The following RGS6 variants were observed in gnomAD, a reference collection of about 807,000 sequenced individuals.
RGS6 encodes regulator of G-protein signaling 6.
A neutral mutation model predicts 78.5 loss-of-function variants in RGS6; 30 were observed. That is an observed-to-expected ratio of 0.38 (90% CI 0.29 to 0.52). The LOEUF (loss-of-function observed/expected upper bound fraction) is 0.52, where lower values mean the gene tolerates loss of function less well. RGS6 is among the 20% of genes least tolerant of loss of function. The pLI, the probability that RGS6 is intolerant of heterozygous loss-of-function variation, is 0.85. For synonymous variants in RGS6, 206 were observed against 206.0 expected, an observed-to-expected ratio of 1.00 and a Z score of 0.00; for missense variants, 495 against 609.7, an observed-to-expected ratio of 0.81 and a Z score of 1.98.
downstream of RGS6, among the ~76,000 whole-genome samples, chr14:72,570,672 A>T (rs993802079): frequency 6.6e-6 from 1 of 152,210 alleles, no homozygotes; most frequent in Non-Finnish European, 1.5e-5. Flanking sequence ...CTGTAAACAC[A>T]GTGCTGGAAC....
At chr14:72,496,849 T>TACATACACACACACACAC (rs1177821768) in intron 13 of RGS6, among the ~76,000 whole-genome samples, 5 of 152,182 alleles carry the variant, frequency 3.3e-5, no homozygotes, top group African/African-American at 1.2e-4. Flanking sequence ...CCCAAATATG[T>TACATACACACACACACAC]ACATATATAT....
At chr14:72,047,827 G>C (rs965634022) in intron 2 of RGS6, among the ~76,000 whole-genome samples, 1 of 150,686 alleles carries the variant, frequency 6.6e-6, no homozygotes, top group Non-Finnish European at 1.5e-5. Flanking sequence ...CCGAGTTCAA[G>C]TGATTCTCAT....
chr14:72,230,001 G>A (rs367659543), intron 2 of RGS6, among the ~76,000 whole-genome samples: 127 of 152,294 alleles, frequency 8.3e-4, no homozygotes, highest in African/African-American at 2.9e-3. Context: ...TGTGCAGGGC[G>A]ATGTAGTGTA....
At chr14:72,369,300 C>T (rs975691062) in intron 3 of RGS6, among the ~76,000 whole-genome samples, 5 of 152,124 alleles carry the variant, frequency 3.3e-5, no homozygotes, top group African/African-American at 1.2e-4. Flanking sequence ...ATGATGTGGC[C>T]AGAAGCCAAG....
At chr14:71,956,227 TG>T (rs1448509710) in intron 1 of RGS6, among the ~76,000 whole-genome samples, 4 of 151,912 alleles carry the variant, frequency 2.6e-5, no homozygotes, top group Non-Finnish European at 1.5e-5. Context: ...GATGGGAGCT[TG>T]GGGTTGGTGG....
At chr14:72,255,187 T>A (rs2056806370) in intron 2 of RGS6, among the ~76,000 whole-genome samples, 1 of 152,114 alleles carries the variant, frequency 6.6e-6, no homozygotes, top group South Asian at 2.1e-4. Flanking sequence ...GATTGGCTAA[T>A]TTGAAAATGT....
the RGS6 span, among the ~76,000 whole-genome samples, chr14:72,578,925 T>C: frequency 2.0e-5 from 3 of 152,118 alleles, no homozygotes; most frequent in South Asian, 6.2e-4. Flanking sequence ...ATTTGGGGAA[T>C]AAGCAAGTGG....
Position 72,562,639 on chromosome 14 carries a change from CAGA to C in RGS6, c.*174_*176del. The C allele has an allele frequency of 6.5e-7, 1 of 1,533,174 alleles. No individual in the cohort carries two copies. Among genetic ancestry groups the C allele is most frequent in the Non-Finnish European group, 8.7e-7 (1 of 1,145,698 alleles). 95.0% of individuals were successfully genotyped at this position (1,533,174 alleles called of 1,614,324 possible). A position where few individuals can be genotyped will look rare whatever the true frequency, so the allele number is the denominator to read the frequency against. The stretch of plus-strand genomic sequence containing the variant: ...AGACTCGGTGGGTGAATGGGGAGAC[CAGA>C]AAGAAAGAGTCCACAGAGCCTGGGC... On this transcript the variant is annotated 3_prime_UTR_variant, in exon 18 of 18. Coordinates refer to ENST00000553525, the MANE Select transcript of RGS6 (RefSeq NM_001204424.2).
At chr14:72,106,681 ATTAAC>A (rs1313392990) in intron 2 of RGS6, among the ~76,000 whole-genome samples, 1 of 152,112 alleles carries the variant, frequency 6.6e-6, no homozygotes, top group Non-Finnish European at 1.5e-5. Context: ...TTCCATGGAT[ATTAAC>A]TTATCTTTCA....
At chr14:72,167,280 C>T (rs2096941097) in intron 2 of RGS6, among the ~76,000 whole-genome samples, 1 of 152,194 alleles carries the variant, frequency 6.6e-6, no homozygotes, top group Non-Finnish European at 1.5e-5. Flanking sequence ...GACAGATGGG[C>T]CTGCCCATTA....
intron 17 of RGS6, among the ~76,000 whole-genome samples, chr14:72,544,022 A>C (rs1461538852): frequency 1.3e-5 from 2 of 151,818 alleles, no homozygotes; most frequent in Non-Finnish European, 2.9e-5. Context: ...GAGCCACCAC[A>C]CCCCGCCCTC....
At chr14:72,611,652 TG>T in the RGS6 span, among the ~76,000 whole-genome samples, 1 of 152,166 alleles carries the variant, frequency 6.6e-6, no homozygotes, top group African/African-American at 2.4e-5. Flanking sequence ...CTGGGGACAC[TG>T]GCTGCCCAAC....
intron 2 of RGS6, among the ~76,000 whole-genome samples, chr14:72,250,476 C>T (rs1339577010): frequency 6.7e-6 from 1 of 149,204 alleles, no homozygotes; most frequent in African/African-American, 2.5e-5. Context: ...TCCATTTAGT[C>T]TGGTATAACT....
intron 3 of RGS6, among the ~76,000 whole-genome samples, chr14:72,428,258 T>C (rs947393528): frequency 2.0e-5 from 3 of 152,148 alleles, no homozygotes; most frequent in Non-Finnish European, 4.4e-5. Context: ...GAGGGGGAAT[T>C]AGTTGGTCTC....
intron 3 of RGS6, among the ~76,000 whole-genome samples, chr14:72,356,883 C>T (rs1184431664): frequency 6.6e-6 from 1 of 152,184 alleles, no homozygotes; most frequent in South Asian, 2.1e-4. Flanking sequence ...TTATAAATTA[C>T]CCAATCTTGG....
intron 2 of RGS6, among the ~76,000 whole-genome samples, chr14:72,282,272 T>A (rs569543033): frequency 6.6e-6 from 1 of 152,326 alleles, no homozygotes; most frequent in Admixed American, 6.5e-5. Flanking sequence ...TGTGACCCTT[T>A]CCATCTCTTT....
intron 2 of RGS6, among the ~76,000 whole-genome samples, chr14:72,122,109 T>G (rs2096066217): frequency 6.6e-6 from 1 of 152,178 alleles, no homozygotes; most frequent in Non-Finnish European, 1.5e-5. Context: ...GTATAGAAGA[T>G]AATAGATCAA....
At chr14:72,428,390 A>G (rs753249344) in intron 3 of RGS6, among the ~76,000 whole-genome samples, 2 of 152,058 alleles carry the variant, frequency 1.3e-5, no homozygotes, top group African/African-American at 2.4e-5. Context: ...GAACAGATGA[A>G]TGAATGGACA....
chr14:72,320,589 TAAAATTA>T (rs1367459824), intron 2 of RGS6, among the ~76,000 whole-genome samples: 2 of 151,198 alleles, frequency 1.3e-5, no homozygotes, highest in Non-Finnish European at 3.0e-5. Flanking sequence ...AAAAAATAAA[TAAAATTA>T]AAAAATAAAA....
Sources: allele counts gnomAD v4.1 joint callset (sites outside exome capture counted in the v4.1 genomes callset), GRCh38; gene constraint gnomAD v4.1.1; transcripts MANE v1.5; gene names NCBI Gene and HGNC (gene_info 2026-07-23, HGNC 2026-07-21).